TMCC1: variants seen among roughly 807,000 people sequenced by gnomAD.
TMCC1 encodes the protein transmembrane and coiled-coil domain family 1.
A neutral mutation model predicts 52.4 loss-of-function variants in TMCC1; 15 were observed. The ratio of observed to expected loss-of-function variants is 0.29; its 90% CI spans 0.19 to 0.44. TMCC1 has a LOEUF of 0.44. Among genes scored for constraint, TMCC1 ranks in the 20% least tolerant of loss-of-function variants. TMCC1 has a pLI of 1.00. For missense variants in TMCC1, 503 were observed against 806.0 expected (o/e 0.62, Z 4.55); for synonymous variants, 279 against 301.9 (o/e 0.92, Z 0.79).
At position 129,759,709 on chromosome 3, in the gene TMCC1, A is replaced by ATTTTTTTTTTTTTTTTT. The variant is rs1560350161; in HGVS notation, c.576+68093_576+68094insAAAAAAAAAAAAAAAAA. On this transcript the variant is annotated intron_variant, in intron 4 of 6. Transcript: ENST00000393238. ...GGCATGAGCCACTGCAGCCAGCCAAACTTTTTTTTTTTTTTTTTTTTTTTT... is the reference window on the plus strand; with the variant it reads ...GGCATGAGCCACTGCAGCCAGCCAAATTTTTTTTTTTTTTTTTCTTTTTTTTTTTTTTTTTTTTTTTT... 1.5e-4 allele frequency among the ~76,000 whole-genome samples: 15 copies of ATTTTTTTTTTTTTTTTT among 98,360 alleles called. 2 individuals carry two copies. The highest frequency in any genetic ancestry group is 5.5e-4 in the African/African-American group (14 of 25,360). The allele number at this position is 98,360 out of a possible 152,430, so 64.5% of individuals were successfully genotyped here.
rs532298127 is a variant in TMCC1, at chr3:129,789,564, T to A, written c.576+38239A>T. ...GGCGCGATCTCGGCTCACTGCAAGC[T>A]CCGCCTCCTGGGTTCACGCCATTCT... On this transcript the variant is annotated intron_variant, in intron 4 of 6. Transcript: ENST00000393238. Among the ~76,000 whole-genome samples, 16 of 152,302 alleles carry A rather than the reference T, an allele frequency of 1.1e-4. No individual in the cohort carries two copies. The East Asian group carries it at 2.7e-3, about 26-fold the overall frequency.
intron 4 of TMCC1, among the ~76,000 whole-genome samples, chr3:129,781,012 TCA>T (rs1491320926): frequency 1.3e-5 from 2 of 152,202 alleles, no homozygotes; most frequent in Non-Finnish European, 2.9e-5. Context: ...ACACTGGCCA[TCA>T]CAGATACAGA....
At chr3:129,667,434 A>T (rs1428146605) in intron 5 of TMCC1, among the ~76,000 whole-genome samples, 1 of 152,086 alleles carries the variant, frequency 6.6e-6, no homozygotes, top group African/African-American at 2.4e-5. Flanking sequence ...TTTTGGGGAA[A>T]AAAAGGGCTT....
intron 1 of TMCC1, among the ~76,000 whole-genome samples, chr3:129,880,872 T>C (rs1008254425): frequency 1.3e-5 from 2 of 151,642 alleles, no homozygotes; most frequent in African/African-American, 4.8e-5. Context: ...TTCTTTTTTT[T>C]TTTTTTTTGA....
chr3:129,729,167 AT>A (rs2050347894), intron 4 of TMCC1, among the ~76,000 whole-genome samples: 1 of 151,408 alleles, frequency 6.6e-6, no homozygotes, highest in South Asian at 2.1e-4. Context: ...TAGTTTTGCC[AT>A]TTTCCTTTCC....
intron 4 of TMCC1, among the ~76,000 whole-genome samples, chr3:129,748,774 G>A (rs1183238874): frequency 6.6e-6 from 1 of 151,992 alleles, no homozygotes; most frequent in Non-Finnish European, 1.5e-5. Flanking sequence ...AGGCTGAGGC[G>A]GACAGATCTC....
intron 4 of TMCC1, among the ~76,000 whole-genome samples, chr3:129,817,441 C>T (rs2058154215): frequency 2.0e-5 from 3 of 152,088 alleles, no homozygotes; most frequent in South Asian, 2.1e-4. Context: ...AAAGAAAGAC[C>T]CTGTCTTAAT....
intron 1 of TMCC1, 111 bp from the exon 2 acceptor site, chr3:129,880,670 T>C (rs1156356535): frequency 6.6e-6 from 1 of 152,122 alleles, no homozygotes; most frequent in African/African-American, 2.4e-5. Context: ...AAACCCAAAA[T>C]GCCCCAAAAT....
chr3:129,716,039 C>A (rs1289440278), intron 4 of TMCC1, among the ~76,000 whole-genome samples: 1 of 152,128 alleles, frequency 6.6e-6, no homozygotes, highest in Non-Finnish European at 1.5e-5. Context: ...CTTAGAAGCT[C>A]CAGAGTGGAA....
intron 2 of TMCC1, among the ~76,000 whole-genome samples, chr3:129,861,618 A>G (rs2060402336): frequency 1.3e-5 from 2 of 152,250 alleles, no homozygotes; most frequent in Non-Finnish European, 2.9e-5. Flanking sequence ...AGACACATTA[A>G]AAGATGCTCA....
chr3:129,875,261 G>A (rs924691726), intron 2 of TMCC1, among the ~76,000 whole-genome samples: 1 of 151,824 alleles, frequency 6.6e-6, no homozygotes, highest in African/African-American at 2.4e-5. Flanking sequence ...GGCTGAGGCA[G>A]GTGATCACCT....
intron 4 of TMCC1, among the ~76,000 whole-genome samples, chr3:129,690,939 T>C (rs2046988845): frequency 6.6e-6 from 1 of 152,250 alleles, no homozygotes; most frequent in Admixed American, 6.5e-5. Context: ...TACCTCCTCA[T>C]TGACTGTTTT....
intron 1 of TMCC1, among the ~76,000 whole-genome samples, chr3:129,882,202 G>C (rs944383716): frequency 6.6e-6 from 1 of 151,958 alleles, no homozygotes; most frequent in African/African-American, 2.4e-5. Flanking sequence ...GATAAAAATG[G>C]GCAAAGGATA....
intron 4 of TMCC1, among the ~76,000 whole-genome samples, chr3:129,698,453 A>G (rs1421847852): frequency 6.6e-6 from 1 of 152,192 alleles, no homozygotes; most frequent in Non-Finnish European, 1.5e-5. Flanking sequence ...ACATAGCCAA[A>G]CCATATCACA....
At chr3:129,756,894 A>G (rs1196703457) in intron 4 of TMCC1, among the ~76,000 whole-genome samples, 6 of 152,124 alleles carry the variant, frequency 3.9e-5, no homozygotes, top group African/African-American at 1.4e-4. Flanking sequence ...AGGGTAAAGG[A>G]GTTGTTGTGT....
chr3:129,711,845 T>TA (rs2048711651), intron 4 of TMCC1, among the ~76,000 whole-genome samples: 1 of 62,288 alleles, frequency 1.6e-5, no homozygotes. Context: ...AAAAAAAAAA[T>TA]ACAAAAATCA....
At chr3:129,756,117 A>G (rs2052986815) in intron 4 of TMCC1, among the ~76,000 whole-genome samples, 2 of 125,458 alleles carry the variant, frequency 1.6e-5, no homozygotes. Context: ...AAAAAAAAAG[A>G]AAAAAAAAGA....
chr3:129,754,748 A>C lies in TMCC1; in HGVS notation c.576+73055T>G, dbSNP rs1049723834. 3.9e-5 allele frequency among the ~76,000 whole-genome samples: 6 copies of C among 152,348 alleles called. No homozygotes were observed. The South Asian group carries it at 1.0e-3, about 26-fold the overall frequency. On this transcript the variant is annotated intron_variant, in intron 4 of 6. Transcript: ENST00000393238. ...TTAATTTAAAATAGCCCATAAGCCT[A>C]AACATTAAATGCAACATTATAAAAA...
intron 4 of TMCC1, among the ~76,000 whole-genome samples, chr3:129,802,172 A>G (rs112801769): frequency 2.6e-5 from 4 of 152,346 alleles, no homozygotes; most frequent in African/African-American, 9.6e-5. Flanking sequence ...CTCCAACATA[A>G]GATTGCATAA....
Sources: allele counts gnomAD v4.1 joint callset (sites outside exome capture counted in the v4.1 genomes callset), GRCh38; gene constraint gnomAD v4.1.1; transcripts MANE v1.5; gene names NCBI Gene and HGNC (gene_info 2026-07-23, HGNC 2026-07-21).